Variants in FBXL7 observed in about 807,000 individuals in gnomAD.
FBXL7 encodes F-box/LRR-repeat protein 7.
Under a neutral mutation model 38.3 loss-of-function variants are expected in FBXL7, and 12 were observed. The observed-to-expected ratio is 0.31, with a 90% CI of 0.20 to 0.51. The LOEUF is 0.51. Ranked by LOEUF, FBXL7 falls within the 20% of genes least tolerant of loss-of-function variation. The pLI, the probability that FBXL7 is intolerant of heterozygous loss-of-function variation, is 0.98. For synonymous variants in FBXL7, 297 were observed against 300.9 expected (o/e 0.99, Z 0.13); for missense variants, 567 against 676.4 (o/e 0.84, Z 1.79).
intron 2 of FBXL7, among the ~76,000 whole-genome samples, chr5:15,683,081 C>T (rs1203608058): frequency 4.6e-5 from 7 of 152,070 alleles, no homozygotes; most frequent in Admixed American, 4.6e-4. Flanking sequence ...AGGTGTATTG[C>T]TTATTCATTT....
intron 2 of FBXL7, among the ~76,000 whole-genome samples, chr5:15,667,894 T>C: frequency 6.6e-6 from 1 of 152,236 alleles, no homozygotes; most frequent in Non-Finnish European, 1.5e-5. Flanking sequence ...ATCTCTGCCC[T>C]GTAGTTGTGT....
At chr5:15,691,554 G>T (rs1743185002) in intron 2 of FBXL7, among the ~76,000 whole-genome samples, 1 of 152,176 alleles carries the variant, frequency 6.6e-6, no homozygotes, top group Non-Finnish European at 1.5e-5. Flanking sequence ...CACCCAAGAG[G>T]ATCTAGGTGC....
chr5:15,702,286 T>C (rs1030240221), intron 2 of FBXL7, among the ~76,000 whole-genome samples: 2 of 151,146 alleles, frequency 1.3e-5, no homozygotes, highest in African/African-American at 4.9e-5. Flanking sequence ...GACTCAGAAC[T>C]GAAGGCTGTC....
At chr5:15,733,962 C>A (rs1396515769) in intron 2 of FBXL7, among the ~76,000 whole-genome samples, 1 of 152,054 alleles carries the variant, frequency 6.6e-6, no homozygotes, top group South Asian at 2.1e-4. Context: ...CAAAAATTAC[C>A]TGGGCTTGGT....
intron 2 of FBXL7, among the ~76,000 whole-genome samples, chr5:15,776,155 A>G (rs1505036): frequency 0.11 from 17,279 of 152,104 alleles, 1,068 homozygotes; most frequent in South Asian, 0.16. Context: ...GTTAAGTAAA[A>G]CATAACAGAA....
intron 2 of FBXL7, among the ~76,000 whole-genome samples, chr5:15,802,202 C>T (rs1737588352): frequency 6.6e-6 from 1 of 152,140 alleles, no homozygotes; most frequent in Non-Finnish European, 1.5e-5. Flanking sequence ...CCCTTCCCTC[C>T]TTTGGATCTT....
chr5:15,768,368 G>A (rs1009356721), intron 2 of FBXL7, among the ~76,000 whole-genome samples: 2 of 151,824 alleles, frequency 1.3e-5, no homozygotes, highest in African/African-American at 4.8e-5. Context: ...AGTCCCTACT[G>A]AAAATACAAA....
chr5:15,538,519 G>A (rs1580358185), intron 1 of FBXL7, among the ~76,000 whole-genome samples: 1 of 152,270 alleles, frequency 6.6e-6, no homozygotes, highest in East Asian at 1.9e-4. Flanking sequence ...ACTGGAGGAG[G>A]TAGAATAATT....
At chr5:15,786,762 G>A (rs1275241251) in intron 2 of FBXL7, among the ~76,000 whole-genome samples, 1 of 152,058 alleles carries the variant, frequency 6.6e-6, no homozygotes, top group South Asian at 2.1e-4. Flanking sequence ...TTACAGGTAC[G>A]GGTGGATGCA....
intron 2 of FBXL7, among the ~76,000 whole-genome samples, chr5:15,639,863 C>T (rs1741302036): frequency 6.6e-6 from 1 of 152,078 alleles, no homozygotes; most frequent in African/African-American, 2.4e-5. Context: ...GGAACACAGA[C>T]AATGCTGGGT....
chr5:15,811,786 G>T (rs1302904551), intron 2 of FBXL7, among the ~76,000 whole-genome samples: 1 of 152,032 alleles, frequency 6.6e-6, no homozygotes, highest in Non-Finnish European at 1.5e-5. Flanking sequence ...ACCACAATGA[G>T]ATACCATCTC....
Position 15,500,494 on chromosome 5 carries a change from G to A in FBXL7, c.-183G>A, listed in dbSNP as rs1244486843. The A allele has an allele frequency of 1.3e-5, 10 of 762,808 alleles. No individual in the cohort carries two copies. In the East Asian group the frequency reaches 2.5e-4, roughly 19 times the overall value. The allele number at this position is 762,808 out of a possible 1,614,324, so 47.3% of individuals were successfully genotyped here. On this transcript the variant is annotated 5_prime_UTR_variant, in exon 1 of 4. Coordinates refer to ENST00000504595, the MANE Select transcript of FBXL7 (RefSeq NM_012304.5). ...CCTGGAGCCACCGGGGGTGCCAGGA[G>A]GGGACGCAGCACCCCCTCCCACTGG...
intron 1 of FBXL7, among the ~76,000 whole-genome samples, chr5:15,555,203 C>T (rs1375018773): frequency 6.6e-6 from 1 of 152,200 alleles, no homozygotes; most frequent in African/African-American, 2.4e-5. Flanking sequence ...GACACACAGA[C>T]AGACAGACAG....
chr5:15,560,533 ATC>A (rs1313028252), intron 1 of FBXL7, among the ~76,000 whole-genome samples: 1 of 152,180 alleles, frequency 6.6e-6, no homozygotes, highest in African/African-American at 2.4e-5. Context: ...TGCTGAATTA[ATC>A]TCTTTTCAGG....
chr5:15,911,658 A>G (rs1741432006), intron 2 of FBXL7, among the ~76,000 whole-genome samples: 1 of 87,968 alleles, frequency 1.1e-5, no homozygotes, highest in Non-Finnish European at 2.0e-5. Flanking sequence ...TTGTGGTTTT[A>G]TCTACTTTTG....
intron 1 of FBXL7, among the ~76,000 whole-genome samples, chr5:15,606,452 A>G (rs1416391507): frequency 2.6e-5 from 4 of 152,252 alleles, no homozygotes; most frequent in Non-Finnish European, 5.9e-5. Context: ...TAAAGAATTC[A>G]TCTGTGGACT....
At chr5:15,527,100 G>GA (rs1737271232) in intron 1 of FBXL7, among the ~76,000 whole-genome samples, 1 of 152,168 alleles carries the variant, frequency 6.6e-6, no homozygotes, top group Non-Finnish European at 1.5e-5. Flanking sequence ...ACCTAGAATA[G>GA]AAAACGTACA....
At chr5:15,852,666 C>G (rs1175031743) in intron 2 of FBXL7, among the ~76,000 whole-genome samples, 1 of 151,610 alleles carries the variant, frequency 6.6e-6, no homozygotes, top group African/African-American at 2.4e-5. Flanking sequence ...GTAGAATCAT[C>G]TGAAATAGTT....
intron 1 of FBXL7, chr5:15,580,530 T>C: frequency 1.4e-6 from 1 of 695,978 alleles, no homozygotes. Context: ...TTTTAGTCTC[T>C]GTTCCTGGAT....
Sources: allele counts gnomAD v4.1 joint callset (sites outside exome capture counted in the v4.1 genomes callset), GRCh38; gene constraint gnomAD v4.1.1; transcripts MANE v1.5; gene names NCBI Gene and HGNC (gene_info 2026-07-23, HGNC 2026-07-21).